The following GSE1 variants were observed in gnomAD, a reference collection of about 807,000 sequenced individuals.
GSE1 encodes the protein Gse1 coiled-coil protein, also known as genetic suppressor element 1.
GSE1 carries 32 observed loss-of-function variants against 112.6 expected under a neutral mutation model. The ratio of observed to expected loss-of-function variants is 0.28; its 90% confidence interval spans 0.21 to 0.38. The LOEUF (loss-of-function observed/expected upper bound fraction) is 0.38, where lower values mean the gene tolerates loss of function less well. GSE1 is among the 10% of genes least tolerant of loss of function. The pLI is 1.00. For missense variants in GSE1, 2,348 were observed against 1,699.2 expected, an observed-to-expected ratio of 1.38 and a Z score of -6.71; for synonymous variants, 1,115 against 735.6, an observed-to-expected ratio of 1.52 and a Z score of -8.35.
chr16:85,371,842 C>G (rs1057004712), intron 2 of GSE1, among the ~76,000 whole-genome samples: 1 of 152,192 alleles, frequency 6.6e-6, no homozygotes, highest in Non-Finnish European at 1.5e-5. Flanking sequence ...CGGATGGTGC[C>G]AAGCCTAGAA....
intron 1 of GSE1, among the ~76,000 whole-genome samples, chr16:85,270,667 A>C (rs1314941994): frequency 6.9e-6 from 1 of 145,722 alleles, no homozygotes; most frequent in Non-Finnish European, 1.6e-5. Flanking sequence ...TGCGGCCTTG[A>C]AGGAAACACA....
chr16:85,613,264 C>T (rs2048115265), upstream of GSE1: 3 of 1,531,396 alleles, frequency 2.0e-6, no homozygotes, highest in South Asian at 2.4e-5. Context: ...GCCCCGGAAG[C>T]TCCACCTCCC....
intron 1 of GSE1, among the ~76,000 whole-genome samples, chr16:85,244,456 C>G (rs1476822477): frequency 6.6e-6 from 1 of 152,144 alleles, no homozygotes; most frequent in East Asian, 1.9e-4. Context: ...CCTCCAGATG[C>G]ATAAGAAAAT....
chr16:85,660,687 A>C lies in GSE1; in HGVS notation c.1641-459A>C, dbSNP rs191020419. On this transcript the variant is annotated intron_variant, in intron 8 of 15. Coordinates refer to ENST00000253458, the MANE Select transcript of GSE1 (RefSeq NM_014615.5). ...GCTCTGTCGCCTAGGCTGGAGTGCAATGGCACGGTCTCAGCTCACTGCAAC... is the reference window on the plus strand; with the variant it reads ...GCTCTGTCGCCTAGGCTGGAGTGCACTGGCACGGTCTCAGCTCACTGCAAC... Among the ~76,000 whole-genome samples the C allele has an allele frequency of 6.0e-4, 91 of 150,832 alleles. 1 individual carries two copies. Among genetic ancestry groups the C allele is most frequent in the Middle Eastern group, 3.4e-3 (1 of 294 alleles).
At chr16:85,246,347 CTA>C (rs1491500872) in intron 1 of GSE1, among the ~76,000 whole-genome samples, 1 of 63,454 alleles carries the variant, frequency 1.6e-5, no homozygotes, top group Admixed American at 1.9e-4. Context: ...CACACGCTGT[CTA>C]CACACACACA....
rs569353129 is a variant in GSE1, at chr16:85,309,521, T to TA, written c.2284-47940dup. ...AAACAATAATAAATAAATAAATAAATAAGAAGAACCGGGTGAGATTAATTT... is the reference window on the plus strand; with the variant it reads ...AAACAATAATAAATAAATAAATAAATAAAGAAGAACCGGGTGAGATTAATTT... On this transcript the variant is annotated intron_variant, in intron 1 of 2. Coordinates refer to the GSE1 transcript ENST00000637419. Among the ~76,000 whole-genome samples, 3 of 151,830 alleles carry TA rather than the reference T, an allele frequency of 2.0e-5. No homozygotes were observed. The South Asian group carries it at 6.3e-4, about 32-fold the overall frequency.
intron 1 of GSE1, among the ~76,000 whole-genome samples, chr16:85,590,194 A>G (rs183567260): frequency 6.6e-5 from 10 of 151,692 alleles, no homozygotes; most frequent in African/African-American, 2.4e-4. Context: ...CACTGAATGA[A>G]TGTGTGTGAT....
intron 2 of GSE1, among the ~76,000 whole-genome samples, chr16:85,537,151 C>T (rs1045126429): frequency 1.3e-5 from 2 of 152,138 alleles, no homozygotes; most frequent in Non-Finnish European, 1.5e-5. Context: ...CTCTGAGCAG[C>T]GTTTGGTCGG....
At chr16:85,236,621 C>T (rs1434274224) in intron 1 of GSE1, among the ~76,000 whole-genome samples, 2 of 152,112 alleles carry the variant, frequency 1.3e-5, no homozygotes, top group African/African-American at 2.4e-5. Flanking sequence ...GCTGTGAATG[C>T]CTGCTCTTGG....
chr16:85,461,884 C>G (rs1481753850), intron 2 of GSE1, among the ~76,000 whole-genome samples: 1 of 152,098 alleles, frequency 6.6e-6, no homozygotes, highest in African/African-American at 2.4e-5. Flanking sequence ...CTCCTGAGAG[C>G]GGCAGGCAGC....
At chr16:85,549,851 C>A (rs544416457) in intron 2 of GSE1, among the ~76,000 whole-genome samples, 1 of 152,192 alleles carries the variant, frequency 6.6e-6, no homozygotes, top group Non-Finnish European at 1.5e-5. Context: ...CATCTTCATG[C>A]ACAAAAGTGG....
At chr16:85,473,119 C>T (rs764480467) in intron 2 of GSE1, among the ~76,000 whole-genome samples, 1 of 152,226 alleles carries the variant, frequency 6.6e-6, no homozygotes, top group African/African-American at 2.4e-5. Context: ...CAGCAGGAAG[C>T]GGGAGGGCCA....
intron 11 of GSE1, among the ~76,000 whole-genome samples, chr16:85,664,005 T>G (rs1213389227): frequency 1.3e-5 from 2 of 152,276 alleles, no homozygotes; most frequent in South Asian, 4.1e-4. Context: ...CTGGGTGTTG[T>G]GTCCTGGTGG....
intron 2 of GSE1, among the ~76,000 whole-genome samples, chr16:85,539,459 C>A (rs894619236): frequency 6.6e-6 from 1 of 152,172 alleles, no homozygotes; most frequent in African/African-American, 2.4e-5. Flanking sequence ...ACCAAAATTG[C>A]CCCCACAGAA....
At chr16:85,621,123 G>C (rs965208458) in intron 1 of GSE1, among the ~76,000 whole-genome samples, 2 of 151,822 alleles carry the variant, frequency 1.3e-5, no homozygotes, top group African/African-American at 4.8e-5. Context: ...TCTTGGCCCT[G>C]GGTCTCTGCC....
intron 2 of GSE1, among the ~76,000 whole-genome samples, chr16:85,413,731 C>T (rs74902424): frequency 2.4e-3 from 368 of 152,270 alleles, no homozygotes; most frequent in African/African-American, 8.3e-3. Context: ...CTCCCAGAAC[C>T]TCCAGGGCAA....
At chr16:85,431,834 C>T (rs1416508110) in intron 2 of GSE1, among the ~76,000 whole-genome samples, 3 of 152,246 alleles carry the variant, frequency 2.0e-5, no homozygotes, top group Non-Finnish European at 4.4e-5. Context: ...CTTCCCAATC[C>T]CATTGTTCCT....
intron 1 of GSE1, among the ~76,000 whole-genome samples, chr16:85,297,970 A>G (rs770852313): frequency 6.6e-6 from 1 of 152,200 alleles, no homozygotes; most frequent in Admixed American, 6.5e-5. Context: ...GAAACAGGCC[A>G]GTTATCTTGA....
At chr16:85,602,441 C>T (rs2047507955) in intron 1 of GSE1, among the ~76,000 whole-genome samples, 1 of 152,138 alleles carries the variant, frequency 6.6e-6, no homozygotes, top group African/African-American at 2.4e-5. Flanking sequence ...AATGGAGACC[C>T]TTGGGCCCTG....
Sources: gnomAD v4.1 joint callset for allele counts (sites outside exome capture counted in the v4.1 genomes callset) on GRCh38, gnomAD v4.1.1 for gene constraint, MANE v1.5 for transcripts, NCBI Gene and HGNC (gene_info 2026-07-23, HGNC 2026-07-21) for gene names.